Variants in SMIM27 observed in about 807,000 individuals in gnomAD.
The protein encoded by SMIM27 is transition zone microprotein 1, also known as TOPORS antisense RNA 1 (non-protein coding).
A neutral mutation model predicts 1.8 loss-of-function variants in SMIM27; 3 were observed. The observed-to-expected ratio is 1.65, with a 90% CI of 0.75 to 4.28. The LOEUF (loss-of-function observed/expected upper bound fraction) is 4.28, where lower values mean the gene tolerates loss of function less well. SMIM27 is among the 30% of genes most tolerant of loss of function. The pLI, the probability that SMIM27 is intolerant of heterozygous loss-of-function variation, is 0.02. For synonymous variants in SMIM27, 19 were observed against 13.9 expected (o/e 1.37, Z -0.82); for missense variants, 63 against 37.0 (o/e 1.70, Z -1.83).
At chr9:32,552,607 T>C (rs1421538681) in intron 1 of SMIM27, 128 bp downstream of exon 1, 1 of 803,922 alleles carries the variant, frequency 1.2e-6, no homozygotes, top group Non-Finnish European at 2.1e-6. Flanking sequence ...CTCCCTCACC[T>C]CGACTCCGCC....
chr9:32,556,977 C>T (rs1199491716), downstream of SMIM27, among the ~76,000 whole-genome samples: 1 of 146,928 alleles, frequency 6.8e-6, no homozygotes, highest in Non-Finnish European at 1.5e-5. Flanking sequence ...TCAGCCTCCC[C>T]GGTAGCTAGG....
chr9:32,564,008 TG>T (rs1486278346), intron 1 of SMIM27, among the ~76,000 whole-genome samples: 9 of 152,336 alleles, frequency 5.9e-5, no homozygotes, highest in African/African-American at 2.2e-4. Flanking sequence ...CTCTGAGCTC[TG>T]GGTCCTTTCA....
At chr9:32,559,155 T>TC (rs1821558350) in intron 1 of SMIM27, among the ~76,000 whole-genome samples, 1 of 152,128 alleles carries the variant, frequency 6.6e-6, no homozygotes, top group East Asian at 1.9e-4. Flanking sequence ...ACTTAACTTC[T>TC]CCCATCCCCA....
downstream of SMIM27, among the ~76,000 whole-genome samples, chr9:32,557,624 T>C (rs887277017): frequency 1.3e-5 from 2 of 151,208 alleles, no homozygotes; most frequent in Non-Finnish European, 3.0e-5. Flanking sequence ...GGATTACAGG[T>C]GCCCGCCACC....
downstream of SMIM27, among the ~76,000 whole-genome samples, chr9:32,554,538 C>T (rs1821401977): frequency 6.6e-6 from 1 of 152,138 alleles, no homozygotes; most frequent in African/African-American, 2.4e-5. Context: ...CAGTTTCAGC[C>T]ATGTGTTTAA....
At chr9:32,554,230 G>C (rs1031594240), downstream of SMIM27, among the ~76,000 whole-genome samples, 13 of 152,162 alleles carry the variant, frequency 8.5e-5, no homozygotes, top group Admixed American at 2.0e-4. Context: ...CTTTTATTTT[G>C]TATGACCCCA....
exon 2 of SMIM27, chr9:32,566,565 GACTGGAGCTTCTGGC>G (rs1821796288): frequency 1.3e-6 from 1 of 780,608 alleles, no homozygotes; most frequent in Non-Finnish European, 2.4e-6. Flanking sequence ...GTACTGCACA[GACTGGAGCTTCTGGC>G]ACATGGAGCG....
intron 1 of SMIM27, among the ~76,000 whole-genome samples, chr9:32,559,792 T>C (rs956953681): frequency 6.6e-6 from 1 of 152,042 alleles, no homozygotes; most frequent in African/African-American, 2.4e-5. Flanking sequence ...TACCTCTTTG[T>C]TTATATATTT....
chr9:32,566,844 T>C, exon 2 of SMIM27: 1 of 851,896 alleles, frequency 1.2e-6, no homozygotes, highest in Non-Finnish European at 1.9e-6. Flanking sequence ...CATCACACAG[T>C]AGCTGCCGGG....
intron 1 of SMIM27, among the ~76,000 whole-genome samples, chr9:32,563,877 ACT>A (rs1164100720): frequency 1.3e-5 from 2 of 151,866 alleles, no homozygotes; most frequent in African/African-American, 4.8e-5. Flanking sequence ...TTGCAAGCTG[ACT>A]CTGTGTCCTT....
At chr9:32,564,585 T>C (rs1488046463) in intron 1 of SMIM27, among the ~76,000 whole-genome samples, 1 of 152,158 alleles carries the variant, frequency 6.6e-6, no homozygotes, top group East Asian at 1.9e-4. Flanking sequence ...TATCATAAAA[T>C]ACATGATTTA....
At chr9:32,559,592 C>A (rs2065304490) in intron 1 of SMIM27, among the ~76,000 whole-genome samples, 1 of 152,160 alleles carries the variant, frequency 6.6e-6, no homozygotes, top group Non-Finnish European at 1.5e-5. Context: ...GGCCTCTGTA[C>A]TTCATGATTC....
At chr9:32,553,726 ACTCAGT>A, downstream of SMIM27, 1 of 591,196 alleles carries the variant, frequency 1.7e-6, no homozygotes, top group Non-Finnish European at 3.0e-6. Flanking sequence ...TTGTTAAATT[ACTCAGT>A]CTCAAATTGT....
At chr9:32,559,770 A>G (rs999201380) in intron 1 of SMIM27, among the ~76,000 whole-genome samples, 2 of 152,146 alleles carry the variant, frequency 1.3e-5, no homozygotes, top group African/African-American at 2.4e-5. Flanking sequence ...TTGTTCTCCT[A>G]TAACATTAAT....
upstream of SMIM27, chr9:32,551,429 C>T: frequency 3.1e-6 from 1 of 319,586 alleles, no homozygotes; most frequent in Non-Finnish European, 6.2e-6. Context: ...CAGAGCCCAA[C>T]CAGTATCCTA....
downstream of SMIM27, among the ~76,000 whole-genome samples, chr9:32,555,793 A>AC (rs1239192090): frequency 6.6e-6 from 1 of 152,096 alleles, no homozygotes; most frequent in African/African-American, 2.4e-5. Context: ...AAAAGAACAA[A>AC]CCCCCTGGAC....
At chr9:32,566,084 G>T (rs1456683716) in intron 1 of SMIM27, 2 of 417,198 alleles carry the variant, frequency 4.8e-6, no homozygotes, top group Non-Finnish European at 8.6e-6. Context: ...AAAAAAAAAA[G>T]GCACCTGTTA....
chr9:32,553,091 C>T (rs901217416), downstream of SMIM27: 1 of 506,276 alleles, frequency 2.0e-6, no homozygotes, highest in Non-Finnish European at 3.5e-6. Flanking sequence ...TTTACATTCT[C>T]ATGACAAAAT....
At chr9:32,566,612 C>T in exon 2 of SMIM27, 1 of 788,354 alleles carries the variant, frequency 1.3e-6, no homozygotes, top group South Asian at 1.3e-5. Flanking sequence ...GGAATTCCTC[C>T]TGAGCCTCTG....
Sources: allele counts gnomAD v4.1 joint callset (sites outside exome capture counted in the v4.1 genomes callset), GRCh38; gene constraint gnomAD v4.1.1; transcripts MANE v1.5; gene names NCBI Gene and HGNC (gene_info 2026-07-23, HGNC 2026-07-21).